The following FBXL7 variants were observed in gnomAD, a reference collection of about 807,000 sequenced individuals.
The protein encoded by FBXL7 is F-box and leucine rich repeat protein 7.
FBXL7 carries 12 observed loss-of-function variants against 38.3 expected under a neutral mutation model. The ratio of observed to expected loss-of-function variants is 0.31; its 90% CI spans 0.20 to 0.51. The LOEUF (loss-of-function observed/expected upper bound fraction) is 0.51, where lower values mean the gene tolerates loss of function less well. FBXL7 is among the 20% of genes least tolerant of loss of function. The probability of loss-of-function intolerance (pLI) is 0.98; values close to 1 mark genes in which losing one functional copy is unlikely to be tolerated. For synonymous variants in FBXL7, 297 were observed against 300.9 expected, an observed-to-expected ratio of 0.99 and a Z score of 0.13; for missense variants, 567 against 676.4, an observed-to-expected ratio of 0.84 and a Z score of 1.79.
intron 1 of FBXL7, among the ~76,000 whole-genome samples, chr5:15,569,251 C>A (rs1292111984): frequency 6.6e-6 from 1 of 151,764 alleles, no homozygotes; most frequent in African/African-American, 2.4e-5. Context: ...TTGTTTGTAT[C>A]CTCTTTTATT....
At chr5:15,907,720 T>A (rs1741390092) in intron 2 of FBXL7, among the ~76,000 whole-genome samples, 1 of 91,674 alleles carries the variant, frequency 1.1e-5, no homozygotes, top group African/African-American at 5.2e-5. Flanking sequence ...GGATCCAGTT[T>A]CAGCTTTCTA....
intron 2 of FBXL7, among the ~76,000 whole-genome samples, chr5:15,892,790 G>T (rs1486648248): frequency 6.6e-6 from 1 of 152,170 alleles, no homozygotes; most frequent in Non-Finnish European, 1.5e-5. Context: ...ATGCTGTGAG[G>T]TGGAAACTAT....
intron 2 of FBXL7, among the ~76,000 whole-genome samples, chr5:15,713,002 T>C (rs1300242311): frequency 2.6e-5 from 4 of 152,180 alleles, no homozygotes; most frequent in African/African-American, 9.7e-5. Context: ...CCCAGCTACC[T>C]TGTAGGACTT....
Position 15,668,340 on chromosome 5 carries a change from C to T in FBXL7, c.127+52268C>T, listed in dbSNP as rs141157914. Among the ~76,000 whole-genome samples, 6 of 151,406 alleles carry T rather than the reference C, an allele frequency of 4.0e-5. 1 individual carries two copies. The East Asian group carries it at 1.2e-3, about 29-fold the overall frequency. ...AAACCTCTATTAGCTTCCTAGTATC[C>T]ATTCCTCCTACTCCTTTATATTTGT... is the stretch of plus-strand genomic sequence containing the variant. On this transcript the variant is annotated intron_variant, in intron 2 of 3. Coordinates refer to ENST00000504595, the MANE Select transcript of FBXL7 (RefSeq NM_012304.5).
intron 2 of FBXL7, among the ~76,000 whole-genome samples, chr5:15,636,834 A>C (rs1474339317): frequency 6.6e-6 from 1 of 152,186 alleles, no homozygotes; most frequent in Non-Finnish European, 1.5e-5. Context: ...GAAGTAACAG[A>C]TCTAATGGAA....
intron 2 of FBXL7, among the ~76,000 whole-genome samples, chr5:15,642,994 A>C (rs1004274645): frequency 6.6e-6 from 1 of 152,190 alleles, no homozygotes; most frequent in Non-Finnish European, 1.5e-5. Flanking sequence ...AACAGGTTTC[A>C]TTTGCTTTTC....
intron 2 of FBXL7, among the ~76,000 whole-genome samples, chr5:15,700,015 C>T (rs939751110): frequency 1.4e-4 from 22 of 152,196 alleles, no homozygotes; most frequent in Non-Finnish European, 2.6e-4. Context: ...GCTTGCTTAA[C>T]TCATAGCCCA....
intron 2 of FBXL7, among the ~76,000 whole-genome samples, chr5:15,673,918 A>G (rs867083744): frequency 6.6e-6 from 1 of 152,244 alleles, no homozygotes; most frequent in African/African-American, 2.4e-5. Context: ...TGGAAAAAGC[A>G]TGCAATTCCC....
At chr5:15,671,570 G>A (rs893967941) in intron 2 of FBXL7, among the ~76,000 whole-genome samples, 7 of 152,086 alleles carry the variant, frequency 4.6e-5, no homozygotes, top group African/African-American at 1.2e-4. Flanking sequence ...GATCTTAGCC[G>A]AAAGGCTGAG....
intron 2 of FBXL7, among the ~76,000 whole-genome samples, chr5:15,926,451 GTAA>G (rs762691147): frequency 3.5e-4 from 52 of 147,772 alleles, no homozygotes; most frequent in Non-Finnish European, 5.4e-4. Context: ...GATATATATG[GTAA>G]TAATACCATG....
chr5:15,663,043 T>G (rs1742143053), intron 2 of FBXL7, among the ~76,000 whole-genome samples: 1 of 152,126 alleles, frequency 6.6e-6, no homozygotes, highest in Non-Finnish European at 1.5e-5. Flanking sequence ...GAAGAATGTT[T>G]TTGGTAGTTT....
Position 15,878,876 on chromosome 5 carries a change from A to G in FBXL7, c.128-49014A>G, listed in dbSNP as rs376252089. On this transcript the variant is annotated intron_variant, in intron 2 of 3. Transcript: ENST00000504595. The stretch of plus-strand genomic sequence containing the variant: ...CCTGAACTCTGGCTACATCTCCCCT[A>G]AGAAGGGAAAGCAGAACCCAGAGTC... Among the ~76,000 whole-genome samples, 21 of 152,264 alleles carry G rather than the reference A, an allele frequency of 1.4e-4. No homozygotes were observed. The South Asian group carries it at 4.4e-3, about 32-fold the overall frequency.
rs539129145 is a variant in FBXL7 at position 15,830,993 on chromosome 5, G to A, written c.128-96897G>A. Among the ~76,000 whole-genome samples, 5 of 152,266 alleles carry A rather than the reference G, an allele frequency of 3.3e-5. No individual in the cohort carries two copies. In the South Asian group the frequency reaches 1.0e-3, roughly 32 times the overall value. On this transcript the variant is annotated intron_variant, in intron 2 of 3. Coordinates refer to ENST00000504595, the MANE Select transcript of FBXL7 (RefSeq NM_012304.5). ...CTCAAGCAGCAAGGCCTCAGTCCTGGAGTCTAGTTCTTTCTCTGAATCTGA... is the reference window on the plus strand; with the variant it reads ...CTCAAGCAGCAAGGCCTCAGTCCTGAAGTCTAGTTCTTTCTCTGAATCTGA...
At chr5:15,849,865 C>G (rs1739040558) in intron 2 of FBXL7, among the ~76,000 whole-genome samples, 1 of 152,164 alleles carries the variant, frequency 6.6e-6, no homozygotes, top group African/African-American at 2.4e-5. Context: ...GTTTTTAGAG[C>G]TTGATAATTA....
At chr5:15,862,251 A>G (rs1304925952) in intron 2 of FBXL7, among the ~76,000 whole-genome samples, 2 of 152,162 alleles carry the variant, frequency 1.3e-5, no homozygotes, top group African/African-American at 4.8e-5. Flanking sequence ...ATGGTTTTAT[A>G]AGGGGAAATG....
At chr5:15,859,169 A>C (rs1003028317) in intron 2 of FBXL7, among the ~76,000 whole-genome samples, 2 of 152,194 alleles carry the variant, frequency 1.3e-5, no homozygotes, top group Non-Finnish European at 2.9e-5. Context: ...AGGAGCCCCT[A>C]CTGTGTCCAC....
intron 1 of FBXL7, among the ~76,000 whole-genome samples, chr5:15,589,676 G>A (rs552757630): frequency 2.6e-5 from 4 of 152,264 alleles, no homozygotes; most frequent in Non-Finnish European, 5.9e-5. Flanking sequence ...AGAAGAAAAG[G>A]CTTTGGAAGT....
intron 2 of FBXL7, among the ~76,000 whole-genome samples, chr5:15,884,887 A>T (rs1740612936): frequency 6.6e-6 from 1 of 152,196 alleles, no homozygotes; most frequent in South Asian, 2.1e-4. Flanking sequence ...ATGTGTGTTT[A>T]CCCTTTTTAA....
At chr5:15,685,896 C>A (rs546630841) in intron 2 of FBXL7, among the ~76,000 whole-genome samples, 1 of 152,182 alleles carries the variant, frequency 6.6e-6, no homozygotes, top group Admixed American at 6.5e-5. Context: ...ACTATGATCT[C>A]TTCTCAAATC....
Sources: gnomAD v4.1 joint callset for allele counts (sites outside exome capture counted in the v4.1 genomes callset) on GRCh38, gnomAD v4.1.1 for gene constraint, MANE v1.5 for transcripts, NCBI Gene and HGNC (gene_info 2026-07-23, HGNC 2026-07-21) for gene names.